The following SUGCT variants were observed in gnomAD, a reference collection of about 807,000 sequenced individuals.
SUGCT encodes the protein succinyl-CoA:glutarate-CoA transferase.
Under a neutral mutation model 55.0 loss-of-function variants are expected in SUGCT, and 41 were observed. The ratio of observed to expected loss-of-function variants is 0.74; its 90% CI spans 0.58 to 0.97. The LOEUF (loss-of-function observed/expected upper bound fraction) is 0.97. SUGCT is among the 50% of genes least tolerant of loss of function. The pLI is 0.00. For synonymous variants in SUGCT, 187 were observed against 200.4 expected (o/e 0.93, Z 0.56); for missense variants, 568 against 547.8 (o/e 1.04, Z -0.37).
At chr7:40,955,575 G>A in the SUGCT span, among the ~76,000 whole-genome samples, 5 of 152,172 alleles carry the variant, frequency 3.3e-5, no homozygotes, top group African/African-American at 9.7e-5. Context: ...CATGTCATCT[G>A]CAAACAGAGA....
intron 13 of SUGCT, among the ~76,000 whole-genome samples, chr7:40,818,016 C>T (rs1219249357): frequency 1.3e-5 from 2 of 152,284 alleles, no homozygotes; most frequent in East Asian, 1.9e-4. Flanking sequence ...TATAACTATA[C>T]ACTCAGAAAA....
chr7:40,218,992 C>T (rs1364214849), intron 6 of SUGCT, among the ~76,000 whole-genome samples: 1 of 152,056 alleles, frequency 6.6e-6, no homozygotes. Flanking sequence ...TGCAATAAGT[C>T]TTGCTACTAC....
the SUGCT span, among the ~76,000 whole-genome samples, chr7:40,980,277 C>T: frequency 2.0e-5 from 3 of 152,166 alleles, no homozygotes; most frequent in African/African-American, 7.2e-5. Flanking sequence ...GACCCTGTCT[C>T]CTAATACCTT....
At chr7:40,839,580 C>T (rs1190797041) in intron 13 of SUGCT, among the ~76,000 whole-genome samples, 1 of 152,110 alleles carries the variant, frequency 6.6e-6, no homozygotes, top group Non-Finnish European at 1.5e-5. Flanking sequence ...AATTCAGTAT[C>T]ATTAATGATT....
chr7:40,436,343 T>C (rs1181059440), intron 9 of SUGCT, among the ~76,000 whole-genome samples: 1 of 152,168 alleles, frequency 6.6e-6, no homozygotes, highest in Non-Finnish European at 1.5e-5. Context: ...TTAGGTCTAG[T>C]GGGCAGGCCT....
chr7:40,351,509 C>T (rs1242597477), intron 9 of SUGCT, among the ~76,000 whole-genome samples: 2 of 152,086 alleles, frequency 1.3e-5, no homozygotes, highest in Non-Finnish European at 2.9e-5. Context: ...ATTGTTTTCA[C>T]TACTCTTATA....
the SUGCT span, among the ~76,000 whole-genome samples, chr7:40,951,456 A>G: frequency 6.6e-6 from 1 of 152,110 alleles, no homozygotes; most frequent in Non-Finnish European, 1.5e-5. Context: ...TGTCTCCTTC[A>G]GTTCTGCTCT....
At chr7:40,379,538 T>G (rs752945645) in intron 9 of SUGCT, among the ~76,000 whole-genome samples, 4 of 152,214 alleles carry the variant, frequency 2.6e-5, no homozygotes, top group Admixed American at 6.5e-5. Context: ...TTGTTGTTGT[T>G]TTCCTGGTCA....
At chr7:40,419,977 C>G (rs1787219112) in intron 9 of SUGCT, among the ~76,000 whole-genome samples, 1 of 152,146 alleles carries the variant, frequency 6.6e-6, no homozygotes, top group African/African-American at 2.4e-5. Flanking sequence ...AACCTGGGCT[C>G]CAAACCATGT....
intron 12 of SUGCT, among the ~76,000 whole-genome samples, chr7:40,686,705 G>C (rs6977963): frequency 6.6e-6 from 1 of 152,024 alleles, no homozygotes; most frequent in Non-Finnish European, 1.5e-5. Context: ...TCTGCCTGTG[G>C]GGTTTAAACC....
intron 13 of SUGCT, among the ~76,000 whole-genome samples, chr7:40,781,470 C>T (rs772636451): frequency 6.6e-6 from 1 of 151,794 alleles, no homozygotes; most frequent in Non-Finnish European, 1.5e-5. Context: ...AGGGAAGATA[C>T]ACACACACAT....
chr7:40,444,231 T>C (rs530285709), intron 9 of SUGCT, among the ~76,000 whole-genome samples: 1 of 152,270 alleles, frequency 6.6e-6, no homozygotes, highest in South Asian at 2.1e-4. Flanking sequence ...CATATGAACT[T>C]TAAAGTAGTT....
chr7:40,808,395 G>T (rs1420653148), intron 13 of SUGCT: 1 of 152,286 alleles, frequency 6.6e-6, no homozygotes, highest in Non-Finnish European at 1.5e-5. Context: ...TTCAGCCAAG[G>T]CTGGATTATC....
chr7:40,219,623 G>A (rs1248364029), intron 6 of SUGCT, among the ~76,000 whole-genome samples: 1 of 152,034 alleles, frequency 6.6e-6, no homozygotes, highest in African/African-American at 2.4e-5. Context: ...GATTGTTGAA[G>A]GATAGGCCTC....
chr7:40,467,972 T>C (rs1790210673), intron 11 of SUGCT, among the ~76,000 whole-genome samples: 1 of 151,838 alleles, frequency 6.6e-6, no homozygotes, highest in African/African-American at 2.4e-5. Context: ...TTTTCTTTTT[T>C]TTTTTTTTTT....
chr7:40,450,962 G>C (rs1047368974), intron 10 of SUGCT, among the ~76,000 whole-genome samples: 13 of 152,134 alleles, frequency 8.5e-5, no homozygotes, highest in Non-Finnish European at 1.8e-4. Context: ...ATTGCAGGAA[G>C]GGCTGAAACA....
rs186638013 is a variant in SUGCT at position 40,253,816 on chromosome 7, C to T, written c.576+16090C>T. Among the ~76,000 whole-genome samples the T allele has an allele frequency of 5.3e-5, 8 of 152,344 alleles. No individual in the cohort carries two copies. The East Asian group carries it at 9.6e-4, about 18-fold the overall frequency. On this transcript the variant is annotated intron_variant, in intron 7 of 13. Transcript: ENST00000335693. ...GATTACAGGCATGAGCCACTGCACCCGGCCTACATGTTTTAAAATAACTAG... is the reference window on the plus strand; with the variant it reads ...GATTACAGGCATGAGCCACTGCACCTGGCCTACATGTTTTAAAATAACTAG...
intron 13 of SUGCT, among the ~76,000 whole-genome samples, chr7:40,768,670 C>G (rs1297699941): frequency 6.6e-6 from 1 of 152,224 alleles, no homozygotes; most frequent in Non-Finnish European, 1.5e-5. Flanking sequence ...GCCCTATAGG[C>G]CGTTCATTTT....
chr7:40,391,920 A>T (rs1419917281), intron 9 of SUGCT, among the ~76,000 whole-genome samples: 5 of 152,302 alleles, frequency 3.3e-5, no homozygotes, highest in African/African-American at 1.2e-4. Flanking sequence ...TTAAGAAAAT[A>T]TGACACACAC....
Sources: allele counts gnomAD v4.1 joint callset (sites outside exome capture counted in the v4.1 genomes callset), GRCh38; gene constraint gnomAD v4.1.1; transcripts MANE v1.5; gene names NCBI Gene and HGNC (gene_info 2026-07-23, HGNC 2026-07-21).